Variants in JADE2 observed in about 807,000 individuals in gnomAD.
The protein encoded by JADE2 is E3 ubiquitin-protein ligase Jade-2.
Under a neutral mutation model 85.7 loss-of-function variants are expected in JADE2, and 13 were observed. The observed-to-expected ratio is 0.15, with a 90% CI of 0.10 to 0.24. The LOEUF (loss-of-function observed/expected upper bound fraction) is 0.24, where lower values mean the gene tolerates loss of function less well. Ranked by LOEUF, JADE2 falls within the 10% of genes least tolerant of loss-of-function variation. The probability of loss-of-function intolerance (pLI) is 1.00; values close to 1 mark genes in which losing one functional copy is unlikely to be tolerated. For synonymous variants in JADE2, 440 were observed against 456.1 expected, an observed-to-expected ratio of 0.96 and a Z score of 0.45; for missense variants, 846 against 1,115.9, an observed-to-expected ratio of 0.76 and a Z score of 3.45.
upstream of JADE2, among the ~76,000 whole-genome samples, chr5:134,525,449 G>C (rs374581889): frequency 6.6e-6 from 1 of 151,760 alleles, no homozygotes; most frequent in East Asian, 2.0e-4. Flanking sequence ...CTTCCCCCAC[G>C]GGGCCCGCAA....
Position 134,580,563 on chromosome 5 carries a change from G to C in JADE2, c.*1246G>C, listed in dbSNP as rs536416242. 1.3e-5 allele frequency: 2 copies of C among 151,524 alleles called. No homozygotes were observed. Among genetic ancestry groups the C allele is most frequent in the Non-Finnish European group, 2.9e-5 (2 of 67,932 alleles). 9.4% of individuals were successfully genotyped at this position (151,524 alleles called of 1,614,324 possible). A position where few individuals can be genotyped will look rare whatever the true frequency, so the allele number is the denominator to read the frequency against. On this transcript the variant is annotated 3_prime_UTR_variant, in exon 12 of 12. Transcript: ENST00000681547. ...CAGGGAACAACAAAAAAGGAATTCCGTGAAAACATTTTTTTTTCTTTGATG... is the reference window on the plus strand; with the variant it reads ...CAGGGAACAACAAAAAAGGAATTCCCTGAAAACATTTTTTTTTCTTTGATG...
At chr5:134,526,759 G>GT in intron 1 of JADE2, 1 of 985,532 alleles carries the variant, frequency 1.0e-6, no homozygotes, top group Non-Finnish European at 1.2e-6. Flanking sequence ...CCCTTTCCAG[G>GT]TGAGTGTGGA....
At chr5:134,577,546 C>G (rs1221022943) in intron 11 of JADE2, among the ~76,000 whole-genome samples, 1 of 152,162 alleles carries the variant, frequency 6.6e-6, no homozygotes, top group African/African-American at 2.4e-5. Context: ...AGGGGACAAC[C>G]CAGGCGTGGT....
chr5:134,582,844 AATATTGAAAAT>A lies in JADE2; in HGVS notation c.*3538_*3548del, dbSNP rs1171078246. 3 of 152,644 alleles carry A rather than the reference AATATTGAAAAT, an allele frequency of 2.0e-5. No homozygotes were observed. Among genetic ancestry groups the A allele is most frequent in the Non-Finnish European group, 2.9e-5 (2 of 68,054 alleles). 9.5% of individuals were successfully genotyped at this position (152,644 alleles called of 1,614,324 possible). The stretch of plus-strand genomic sequence containing the variant: ...GTGCCATTTGTTAATATACAAGAGA[AATATTGAAAAT>A]ATATTGAAAAGAGCAATTTTAAATT... On this transcript the variant is annotated 3_prime_UTR_variant, in exon 12 of 12. Transcript: ENST00000681547.
At position 134,559,856 on chromosome 5, in the gene JADE2, C is replaced by T. The variant is rs769247538; in HGVS notation, c.338C>T (p.Pro113Leu). 1.9e-6 allele frequency: 3 copies of T among 1,611,864 alleles called. No individual in the cohort carries two copies. The East Asian group carries it at 6.7e-5, about 36-fold the overall frequency. Reference sequence around the variant, plus strand: ...ATCCTCCCACCACTGGAAGGCCCCCCTGCCCAGGCATCCCCGAGCAGCACC... The same window carrying T: ...ATCCTCCCACCACTGGAAGGCCCCCTTGCCCAGGCATCCCCGAGCAGCACC... ...VRILPPLEGPPAQASPSSTML... is the reference protein window; with the variant it reads ...VRILPPLEGPLAQASPSSTML... The change falls in exon 5 of 12, where the codon CCT (proline) becomes CTT (leucine). Residue 113 changes from proline (P) to leucine (L), a missense_variant. This residue lies in a region of JADE2 where 78 missense variants were observed against 64.9 expected (regional missense o/e 1.20). Transcript: ENST00000681547.
Position 134,578,758 on chromosome 5 carries a change from A to T in JADE2, c.1946A>T (p.Lys649Ile). Residue 649 changes from lysine (K) to isoleucine (I), a missense_variant, in exon 12 of 12, where the codon AAA becomes ATA. By Grantham distance (102) the Lys-to-Ile change is moderately radical. This residue lies in a region of JADE2 where 300 missense variants were observed against 300.7 expected (regional missense o/e 1.00). Transcript: ENST00000681547. The surrounding 1 kb of genome is among the most constrained non-coding windows in gnomAD (Gnocchi z 4.4). ...RGRTRLPAKKKPPPPPPQDGP... is the reference protein window; with the variant it reads ...RGRTRLPAKKIPPPPPPQDGP... The stretch of plus-strand genomic sequence containing the variant: ...CGCACCCGCCTGCCTGCCAAGAAGA[A>T]ACCACCACCACCACCACCGCAGGAC... 1 of 1,613,560 alleles carries T rather than the reference A, an allele frequency of 6.2e-7. No individual in the cohort carries two copies. The highest frequency in any genetic ancestry group is 1.1e-5 in the South Asian group (1 of 91,074).
intron 1 of JADE2, among the ~76,000 whole-genome samples, chr5:134,530,365 C>G (rs969655564): frequency 6.6e-6 from 1 of 152,260 alleles, no homozygotes; most frequent in African/African-American, 2.4e-5. Context: ...GGTAAATTGC[C>G]TGCTTGAAAG....
chr5:134,579,412 A>G lies in JADE2; in HGVS notation c.*95A>G. ...ATTTCCAGTCTCTGCTGAGTGTCCC[A>G]GACCCTCGAGGCTGCCACTCCGTCG... On this transcript the variant is annotated 3_prime_UTR_variant, in exon 12 of 12. Coordinates refer to ENST00000681547, the MANE Select transcript of JADE2 (RefSeq NM_001388185.1). This position sits in a 1 kb window ranked among gnomAD's most constrained non-coding sequence, Gnocchi z 4.6. 2.1e-6 allele frequency: 2 copies of G among 969,630 alleles called. No homozygotes were observed. Among genetic ancestry groups the G allele is most frequent in the Non-Finnish European group, 3.0e-6 (2 of 672,294 alleles). 60.1% of individuals were successfully genotyped at this position (969,630 alleles called of 1,614,324 possible).
intron 3 of JADE2, among the ~76,000 whole-genome samples, chr5:134,544,779 C>T (rs1385679254): frequency 6.6e-6 from 1 of 152,142 alleles, no homozygotes; most frequent in East Asian, 1.9e-4. Flanking sequence ...ACCCAGTGTC[C>T]TTGAAAGTCC....
intron 9 of JADE2, among the ~76,000 whole-genome samples, chr5:134,567,779 T>A (rs986379533): frequency 6.6e-6 from 1 of 152,118 alleles, no homozygotes; most frequent in Non-Finnish European, 1.5e-5. Context: ...AAGAGGGAAA[T>A]GACCTATTGC....
At chr5:134,533,089 GCTGTC>G (rs1044217216) in intron 1 of JADE2, among the ~76,000 whole-genome samples, 4 of 152,156 alleles carry the variant, frequency 2.6e-5, no homozygotes, top group Non-Finnish European at 5.9e-5. Flanking sequence ...AGGTCTGCAT[GCTGTC>G]ACCTGTTGGT....
chr5:134,576,712 G>A, intron 10 of JADE2, 56 bp from the exon 11 acceptor site: 1 of 1,547,962 alleles, frequency 6.5e-7, no homozygotes, highest in Non-Finnish European at 8.7e-7. Flanking sequence ...TCTTGGTGCT[G>A]ACCGAGGCCA....
At chr5:134,577,334 A>G (rs1357245689) in intron 11 of JADE2, among the ~76,000 whole-genome samples, 2 of 152,172 alleles carry the variant, frequency 1.3e-5, no homozygotes, top group Non-Finnish European at 2.9e-5. Flanking sequence ...TGCCCAGAGG[A>G]GTGGCTGCAG....
rs1220988450 is a variant in JADE2 at position 134,537,896 on chromosome 5, C to T, written c.59-93C>T. ...GTTTCTCCCTCATGAACATTCTAGCCGGGGCTTTGCTTAGAAGCTTCCTAT... is the reference window on the plus strand; with the variant it reads ...GTTTCTCCCTCATGAACATTCTAGCTGGGGCTTTGCTTAGAAGCTTCCTAT... On this transcript the variant is annotated intron_variant, in intron 2 of 11. Coordinates refer to ENST00000681547, the MANE Select transcript of JADE2 (RefSeq NM_001388185.1). The T allele has an allele frequency of 7.1e-5, 64 of 896,368 alleles. 1 individual carries two copies. The highest frequency in any genetic ancestry group is 3.9e-4 in the East Asian group (16 of 40,800). 55.5% of individuals were successfully genotyped at this position (896,368 alleles called of 1,614,324 possible).
Position 134,579,409 on chromosome 5 carries a change from C to CTGGGA in JADE2, c.*92_*93insTGGGA. 2.0e-6 allele frequency: 2 copies of CTGGGA among 1,022,000 alleles called. No homozygotes were observed. Among genetic ancestry groups the CTGGGA allele is most frequent in the Non-Finnish European group, 2.8e-6 (2 of 719,916 alleles). 63.3% of individuals were successfully genotyped at this position (1,022,000 alleles called of 1,614,324 possible). A position where few individuals can be genotyped will look rare whatever the true frequency, so the allele number is the denominator to read the frequency against. The stretch of plus-strand genomic sequence containing the variant: ...GCCATTTCCAGTCTCTGCTGAGTGT[C>CTGGGA]CCAGACCCTCGAGGCTGCCACTCCG... On this transcript the variant is annotated 3_prime_UTR_variant, in exon 12 of 12. Coordinates refer to ENST00000681547, the MANE Select transcript of JADE2 (RefSeq NM_001388185.1). The surrounding 1 kb of genome is among the most constrained non-coding windows in gnomAD (Gnocchi z 4.6).
chr5:134,579,169 G>C lies in JADE2; in HGVS notation c.2357G>C (p.Ser786Thr). 6.2e-7 allele frequency: 1 copy of C among 1,614,270 alleles called. No individual in the cohort carries two copies. Among genetic ancestry groups the C allele is most frequent in the Non-Finnish European group, 8.5e-7 (1 of 1,180,050 alleles). ...GCTGTGGCTGAGAGGCCCAAGGTCA[G>C]CCTGCATTTTGACACTGAGACTGAT... is the stretch of plus-strand genomic sequence containing the variant. The part of the protein sequence containing the change: ...PSAVAERPKV[S>T]LHFDTETDGY... Residue 786 changes from serine to threonine, a missense_variant, in exon 12 of 12, where the codon AGC (serine) becomes ACC (threonine). Coordinates refer to ENST00000681547, the MANE Select transcript of JADE2 (RefSeq NM_001388185.1). The surrounding 1 kb of genome is among the most constrained non-coding windows in gnomAD (Gnocchi z 4.6).
intron 7 of JADE2, among the ~76,000 whole-genome samples, chr5:134,563,029 A>G (rs910503662): frequency 6.6e-6 from 1 of 152,098 alleles, no homozygotes; most frequent in Non-Finnish European, 1.5e-5. Context: ...GTCAAGCCAC[A>G]TGTTCAAAAC....
intron 3 of JADE2, among the ~76,000 whole-genome samples, chr5:134,542,228 A>G (rs2149897378): frequency 6.6e-6 from 1 of 152,328 alleles, no homozygotes; most frequent in African/African-American, 2.4e-5. Flanking sequence ...AGCCTGGCCT[A>G]GGGAGCTAGT....
intron 9 of JADE2, 144 bp from the exon 10 acceptor site, chr5:134,573,501 G>C: frequency 1.4e-6 from 1 of 703,286 alleles, no homozygotes; most frequent in South Asian, 1.5e-5. Flanking sequence ...TCTGGGAATT[G>C]TTTTGCAGAT....
Sources: gnomAD v4.1 joint callset for allele counts (sites outside exome capture counted in the v4.1 genomes callset) on GRCh38, gnomAD v4.1.1 for gene constraint, gnomAD v4.1.1 regional missense constraint, Gnocchi (gnomAD v3.1) non-coding constraint, MANE v1.5 for transcripts, NCBI Gene and HGNC (gene_info 2026-07-23, HGNC 2026-07-21) for gene names.